The following RPS2 variants were observed in gnomAD, a reference collection of about 807,000 sequenced individuals.
RPS2 encodes small ribosomal subunit protein uS5.
Under a neutral mutation model 25.3 loss-of-function variants are expected in RPS2, and 8 were observed. The ratio of observed to expected loss-of-function variants is 0.32; its 90% CI spans 0.19 to 0.57. The LOEUF (loss-of-function observed/expected upper bound fraction) is 0.57, where lower values mean the gene tolerates loss of function less well. RPS2 is among the 20% of genes least tolerant of loss of function. The pLI is 0.90. For missense variants in RPS2, 229 were observed against 408.1 expected, an observed-to-expected ratio of 0.56 and a Z score of 3.78; for synonymous variants, 181 against 161.3, an observed-to-expected ratio of 1.12 and a Z score of -0.92.
At chr16:1,964,712 C>T (rs1313260619) in intron 1 of RPS2, 84 bp from the exon 2 acceptor site, 1 of 783,616 alleles carries the variant, frequency 1.3e-6, no homozygotes, top group Non-Finnish European at 2.0e-6. Flanking sequence ...GGGCTCCCGC[C>T]CAGGAGCGCG....
intron 3 of RPS2, 134 bp downstream of exon 3, chr16:1,964,142 G>C: frequency 1.4e-6 from 1 of 699,030 alleles, no homozygotes. Flanking sequence ...CAGCCAGCCC[G>C]CAACACAACC....
At position 1,962,341 on chromosome 16, in the gene RPS2, G is replaced by A. The variant is rs375699083; in HGVS notation, c.710-71C>T. The A allele has an allele frequency of 1.5e-4, 218 of 1,450,308 alleles. 4 individuals carry two copies. The South Asian group carries it at 2.1e-3, about 14-fold the overall frequency. The allele number at this position is 1,450,308 out of a possible 1,614,324, so 89.8% of individuals were successfully genotyped here. A position where few individuals can be genotyped will look rare whatever the true frequency, so the allele number is the denominator to read the frequency against. ...CAAGTCCCCCAACCCAAAAATTGTCGCACTCCTAGGAACAGAGAGGCCATT... is the reference window on the plus strand; with the variant it reads ...CAAGTCCCCCAACCCAAAAATTGTCACACTCCTAGGAACAGAGAGGCCATT... On this transcript the variant is annotated intron_variant, in intron 6 of 6. Coordinates refer to ENST00000343262, the MANE Select transcript of RPS2 (RefSeq NM_002952.4).
At chr16:1,962,325 C>G (rs779651365) in intron 6 of RPS2, 55 bp from the exon 7 acceptor site, 1 of 1,544,852 alleles carries the variant, frequency 6.5e-7, no homozygotes, top group East Asian at 2.2e-5. Context: ...GCAAGTCCCC[C>G]AACCCAAAAA....
At chr16:1,963,480 G>A (rs1163929818) in intron 3 of RPS2, among the ~76,000 whole-genome samples, 3 of 152,102 alleles carry the variant, frequency 2.0e-5, no homozygotes, top group African/African-American at 7.2e-5. Context: ...GCCGGGCATG[G>A]TGGAGTGCGC....
At position 1,964,822 on chromosome 16, in the gene RPS2, A is replaced by T; in HGVS notation, c.-19T>A. 1 of 536,646 alleles carries T rather than the reference A, an allele frequency of 1.9e-6. No individual in the cohort carries two copies. The highest frequency in any genetic ancestry group is 4.8e-4 in the Middle Eastern group (1 of 2,078). 33.2% of individuals were successfully genotyped at this position (536,646 alleles called of 1,614,324 possible). ...CAGGACTCACGTGTTTTGTCGGAAA[A>T]GAAGAACGAGACCTACTGGGAAGCA... On this transcript the variant is annotated 5_prime_UTR_variant, in exon 1 of 7. Transcript: ENST00000343262.
chr16:1,962,820 G>A lies in RPS2; in HGVS notation c.465C>T (p.Ile155=), dbSNP rs1410348577. The change falls in exon 5 of 7, where the codon ATC becomes ATT. Residue 155 remains isoleucine (I), a synonymous_variant. Coordinates refer to ENST00000343262, the MANE Select transcript of RPS2 (RefSeq NM_002952.4). ...GGACGATGGAGAGCTTGGCCAGGAT[G>A]ATGGCCCCACGGATGGCGGTGGCCA... ...KEVATAIRGA[I]ILAKLSIVPV... 2 of 1,609,302 alleles carry A rather than the reference G, an allele frequency of 1.2e-6. No homozygotes were observed. The highest frequency in any genetic ancestry group is 3.3e-5 in the Admixed American group (2 of 60,008).
At chr16:1,963,520 G>T (rs1290816087) in intron 3 of RPS2, 1 of 384,186 alleles carries the variant, frequency 2.6e-6, no homozygotes, top group Admixed American at 3.8e-5. Flanking sequence ...GGAGGCTGAG[G>T]CAGGAGAATC....
At chr16:1,963,600 T>G (rs138791992) in intron 3 of RPS2, 7 of 347,654 alleles carry the variant, frequency 2.0e-5, no homozygotes, top group African/African-American at 1.1e-4. Context: ...GGCGAAACTG[T>G]GTAACCGCCC....
At chr16:1,964,706 T>C in intron 1 of RPS2, 78 bp from the exon 2 acceptor site, 1 of 821,804 alleles carries the variant, frequency 1.2e-6, no homozygotes. Context: ...AGACAAGGGC[T>C]CCCGCCCAGG....
chr16:1,962,093 A>G lies in RPS2; in HGVS notation c.*5T>C. On this transcript the variant is annotated 3_prime_UTR_variant, in exon 7 of 7. Coordinates refer to ENST00000343262, the MANE Select transcript of RPS2 (RefSeq NM_002952.4). ...AATTCACTTTATTTTTCTTGTATAA[A>G]AACCCTATGTTGTAGCCACAGCTGG... The G allele has an allele frequency of 6.5e-7, 1 of 1,547,114 alleles. No individual in the cohort carries two copies. The highest frequency in any genetic ancestry group is 8.7e-7 in the Non-Finnish European group (1 of 1,153,436).
intron 3 of RPS2, chr16:1,964,010 T>C (rs866212188): frequency 2.0e-5 from 10 of 502,086 alleles, no homozygotes; most frequent in African/African-American, 1.9e-4. Flanking sequence ...AACCAAGCGC[T>C]GCTTCTCTTT....
In RPS2 at chr16:1,964,435, T is replaced by C. The variant is rs938042635; in HGVS notation, c.177+14A>G. 6.2e-7 allele frequency: 1 copy of C among 1,609,900 alleles called. No homozygotes were observed. The highest frequency in any genetic ancestry group is 8.5e-7 in the Non-Finnish European group (1 of 1,179,772). The stretch of plus-strand genomic sequence containing the variant: ...CCGCCCAGGGGCCCGACCCCGAGCG[T>C]GGCTGATACCTACCTCCTTATCCTC... On this transcript the variant is annotated intron_variant, in intron 2 of 6. Transcript: ENST00000343262.
At chr16:1,962,681 CG>C (rs761411639) in intron 5 of RPS2, 25 bp from the exon 6 acceptor site, 58 of 1,585,608 alleles carry the variant, frequency 3.7e-5, no homozygotes, top group Non-Finnish European at 4.8e-5. Flanking sequence ...AGTCAGGAGA[CG>C]GGGGCCCGAG....
rs199880385 is a variant in RPS2 at position 1,963,116 on chromosome 16, C to A, written c.375+33G>T. On this transcript the variant is annotated intron_variant, in intron 4 of 6. Transcript: ENST00000343262. ...GCAGAGCCGAGAGAGTCCCGGCAAG[C>A]CCAGCGCAGCCCCCTCCAGGACAGC... The A allele has an allele frequency of 4.6e-5, 70 of 1,538,312 alleles. No individual in the cohort carries two copies. The African/African-American group carries it at 8.6e-4, about 19-fold the overall frequency.
At chr16:1,964,139 C>T in intron 3 of RPS2, 137 bp downstream of exon 3, 1 of 689,416 alleles carries the variant, frequency 1.5e-6, no homozygotes. Flanking sequence ...CCTCAGCCAG[C>T]CCGCAACACA....
At chr16:1,962,352 AAC>A (rs2083264209) in intron 6 of RPS2, 82 bp from the exon 7 acceptor site, 1 of 1,412,872 alleles carries the variant, frequency 7.1e-7, no homozygotes, top group African/African-American at 1.4e-5. Context: ...CACTCCTAGG[AAC>A]AGAGAGGCCA....
chr16:1,964,114 T>C, intron 3 of RPS2, 162 bp downstream of exon 3: 1 of 622,692 alleles, frequency 1.6e-6, no homozygotes, highest in Admixed American at 2.8e-5. Context: ...ATCCAACCTC[T>C]AAGTGGAATC....
rs557682002 is a variant in RPS2, at chr16:1,962,382, G to A, written c.710-112C>T. 128 of 1,378,716 alleles carry A rather than the reference G, an allele frequency of 9.3e-5. No individual in the cohort carries two copies. The East Asian group carries it at 2.1e-3, about 22-fold the overall frequency. 85.4% of individuals were successfully genotyped at this position (1,378,716 alleles called of 1,614,324 possible). ...AGAGGCCATTCTGGGCGGGTCTGTC[G>A]TGCATTAGGAGAGCCTTTCTCTGCC... On this transcript the variant is annotated intron_variant, in intron 6 of 6. Coordinates refer to ENST00000343262, the MANE Select transcript of RPS2 (RefSeq NM_002952.4).
At chr16:1,962,397 C>T (rs556886783) in intron 6 of RPS2, 100 bp downstream of exon 6, 2 of 1,389,164 alleles carry the variant, frequency 1.4e-6, no homozygotes, top group East Asian at 2.3e-5. Flanking sequence ...TTAGGAGAGC[C>T]TTTCTCTGCC....
Sources: allele counts gnomAD v4.1 joint callset (sites outside exome capture counted in the v4.1 genomes callset), GRCh38; gene constraint gnomAD v4.1.1; transcripts MANE v1.5; gene names NCBI Gene and HGNC (gene_info 2026-07-23, HGNC 2026-07-21).